MAN1A1: variants seen among roughly 807,000 people sequenced by gnomAD.
The protein encoded by MAN1A1 is mannosyl-oligosaccharide 1,2-alpha-mannosidase IA.
A neutral mutation model predicts 70.8 loss-of-function variants in MAN1A1; 29 were observed. The ratio of observed to expected loss-of-function variants is 0.41; its 90% CI spans 0.31 to 0.56. The LOEUF (loss-of-function observed/expected upper bound fraction) is 0.56. Ranked by LOEUF, MAN1A1 falls within the 20% of genes least tolerant of loss-of-function variation. MAN1A1 has a pLI of 0.29. For missense variants in MAN1A1, 747 were observed against 841.3 expected, an observed-to-expected ratio of 0.89 and a Z score of 1.39; for synonymous variants, 349 against 330.1, an observed-to-expected ratio of 1.06 and a Z score of -0.62.
At position 119,322,054 on chromosome 6, in the gene MAN1A1, T is replaced by C. The variant is rs17081016; in HGVS notation, c.604-15062A>G. Among the ~76,000 whole-genome samples, 896 of 152,272 alleles carry C rather than the reference T, an allele frequency of 5.9e-3. 31 individuals carry two copies. The East Asian group carries it at 0.09, about 15-fold the overall frequency. On this transcript the variant is annotated intron_variant, in intron 2 of 12. Transcript: ENST00000368468. ...TGAGCCAGGCAGAAAGCAAATTCCCTAAGAGATTCAGTTGGGCAGCAGGGT... is the reference window on the plus strand; with the variant it reads ...TGAGCCAGGCAGAAAGCAAATTCCCCAAGAGATTCAGTTGGGCAGCAGGGT...
intron 2 of MAN1A1, among the ~76,000 whole-genome samples, chr6:119,316,174 GGTT>G (rs1395471442): frequency 8.1e-6 from 1 of 124,052 alleles, no homozygotes; most frequent in African/African-American, 3.2e-5. Context: ...CATTTTTGTG[GGTT>G]TTTTTTTTTT....
At chr6:119,271,071 A>T (rs6569062) in intron 5 of MAN1A1, among the ~76,000 whole-genome samples, 7 of 152,186 alleles carry the variant, frequency 4.6e-5, no homozygotes, top group African/African-American at 1.7e-4. Flanking sequence ...TCATTCCCAC[A>T]TATACATATC....
intron 5 of MAN1A1, among the ~76,000 whole-genome samples, chr6:119,257,266 G>C (rs1475323970): frequency 1.3e-5 from 2 of 152,100 alleles, no homozygotes; most frequent in Admixed American, 6.5e-5. Flanking sequence ...GTGAGAGAGA[G>C]ACAGATTAAA....
intron 2 of MAN1A1, among the ~76,000 whole-genome samples, chr6:119,347,725 A>G (rs1156746448): frequency 6.6e-6 from 1 of 152,164 alleles, no homozygotes; most frequent in Non-Finnish European, 1.5e-5. Flanking sequence ...ACCTAATCAC[A>G]TGTTTCAAGT....
At position 119,348,645 on chromosome 6, in the gene MAN1A1, T is replaced by C; in HGVS notation, c.421A>G (p.Lys141Glu). Residue 141 changes from lysine to glutamate, a missense_variant, in exon 2 of 13, where the codon AAG (lysine) becomes GAG (glutamate). By Grantham distance (56) the Lys-to-Glu change is moderately conservative. Transcript: ENST00000368468. ...ALREAKETLQ[K>E]LPEEIQRDIL... is the part of the protein sequence containing the mutation. Reference sequence around the variant, plus strand: ...TCTCTTTGGATCTCCTCGGGCAGCTTCTGCAGGGTCTCCTTGGCTTCCCTG... The same window carrying C: ...TCTCTTTGGATCTCCTCGGGCAGCTCCTGCAGGGTCTCCTTGGCTTCCCTG... 3 of 1,613,652 alleles carry C rather than the reference T, an allele frequency of 1.9e-6. No individual in the cohort carries two copies. Among genetic ancestry groups the C allele is most frequent in the Non-Finnish European group, 2.5e-6 (3 of 1,179,816 alleles).
At chr6:119,193,018 A>G (rs919357795) in intron 9 of MAN1A1, among the ~76,000 whole-genome samples, 9 of 152,180 alleles carry the variant, frequency 5.9e-5, no homozygotes, top group South Asian at 2.1e-4. Context: ...TAGAATGGAA[A>G]TTCTTACAAA....
At chr6:119,282,035 C>A (rs1018932625) in intron 5 of MAN1A1, among the ~76,000 whole-genome samples, 2 of 152,172 alleles carry the variant, frequency 1.3e-5, no homozygotes, top group African/African-American at 4.8e-5. Context: ...CCACTGCACT[C>A]CAGCCTGGGC....
intron 5 of MAN1A1, among the ~76,000 whole-genome samples, chr6:119,274,659 A>T (rs1776006073): frequency 6.6e-6 from 1 of 151,764 alleles, no homozygotes; most frequent in Non-Finnish European, 1.5e-5. Flanking sequence ...GGCTGAATGT[A>T]TACCTTAACT....
chr6:119,240,128 C>G (rs1774962368), intron 6 of MAN1A1, among the ~76,000 whole-genome samples: 2 of 152,224 alleles, frequency 1.3e-5, no homozygotes, highest in Admixed American at 6.5e-5. Context: ...TGCTTTGAAC[C>G]AAGGTTCTAT....
intron 3 of MAN1A1, among the ~76,000 whole-genome samples, chr6:119,306,428 T>C (rs1239694559): frequency 6.6e-6 from 1 of 152,192 alleles, no homozygotes; most frequent in Non-Finnish European, 1.5e-5. Context: ...CCATCCTCAC[T>C]TTCTCTTCCA....
chr6:119,317,928 T>C (rs1267667789), intron 2 of MAN1A1, among the ~76,000 whole-genome samples: 1 of 152,096 alleles, frequency 6.6e-6, no homozygotes, highest in African/African-American at 2.4e-5. Flanking sequence ...GTCCTTAAAA[T>C]TGTCCATTAT....
chr6:119,316,329 C>T (rs1247028212), intron 2 of MAN1A1, among the ~76,000 whole-genome samples: 1 of 151,984 alleles, frequency 6.6e-6, no homozygotes, highest in Non-Finnish European at 1.5e-5. Flanking sequence ...AGGTGCCTGG[C>T]TAATTTTTGT....
chr6:119,282,629 T>C (rs959608006), intron 5 of MAN1A1, among the ~76,000 whole-genome samples: 1 of 152,086 alleles, frequency 6.6e-6, no homozygotes, highest in Non-Finnish European at 1.5e-5. Context: ...ATTCAGTATT[T>C]TACATTCCTT....
At chr6:119,226,482 G>A (rs1461927979) in intron 6 of MAN1A1, among the ~76,000 whole-genome samples, 1 of 151,990 alleles carries the variant, frequency 6.6e-6, no homozygotes, top group Non-Finnish European at 1.5e-5. Flanking sequence ...AAAAACAAAT[G>A]AAATCAAACA....
At chr6:119,346,634 A>G (rs954341995) in intron 2 of MAN1A1, among the ~76,000 whole-genome samples, 1 of 152,194 alleles carries the variant, frequency 6.6e-6, no homozygotes, top group Non-Finnish European at 1.5e-5. Flanking sequence ...CACACTGTTA[A>G]TATGTTGTCC....
intron 2 of MAN1A1, 68 bp from the exon 3 acceptor site, chr6:119,307,060 T>A: frequency 9.7e-7 from 1 of 1,031,226 alleles, no homozygotes; most frequent in Non-Finnish European, 1.5e-6. Flanking sequence ...ATAGGTAATA[T>A]ATTGAAGAGC....
At chr6:119,188,261 T>G in intron 11 of MAN1A1, 144 bp downstream of exon 11, 1 of 661,624 alleles carries the variant, frequency 1.5e-6, no homozygotes, top group South Asian at 2.6e-5. Context: ...ATGACTTCAA[T>G]GAAAATACAC....
chr6:119,262,805 A>T (rs1775645429), intron 5 of MAN1A1, among the ~76,000 whole-genome samples: 1 of 152,162 alleles, frequency 6.6e-6, no homozygotes, highest in Non-Finnish European at 1.5e-5. Flanking sequence ...AAAAAATGAG[A>T]CCATGTCTGT....
At chr6:119,268,933 C>T (rs897838063) in intron 5 of MAN1A1, among the ~76,000 whole-genome samples, 8 of 152,224 alleles carry the variant, frequency 5.3e-5, no homozygotes, top group East Asian at 1.9e-4. Context: ...AGACAAACTA[C>T]GCCTGAACAA....
Sources: gnomAD v4.1 joint callset for allele counts (sites outside exome capture counted in the v4.1 genomes callset) on GRCh38, gnomAD v4.1.1 for gene constraint, MANE v1.5 for transcripts, NCBI Gene and HGNC (gene_info 2026-07-23, HGNC 2026-07-21) for gene names.